Variants in CD99L2 observed in about 807,000 individuals in gnomAD.
CD99L2 encodes the protein CD99 molecule like 2, also known as CD99 antigen-like protein 2.
In CD99L2, 24 loss-of-function variants were observed where a neutral mutation model predicts 27.3. That is an observed-to-expected ratio of 0.88 (90% confidence interval 0.64 to 1.24). CD99L2 has a LOEUF of 1.24. Ranked by LOEUF, CD99L2 falls within the 50% of genes most tolerant of loss-of-function variation. The pLI is 0.00. For synonymous variants in CD99L2, 97 were observed against 87.9 expected (o/e 1.10, Z -0.58); for missense variants, 255 against 221.6 (o/e 1.15, Z -0.96).
intron 9 of CD99L2, 23 bp downstream of exon 9, chrX:150,776,151 C>G: frequency 5.0e-6 from 6 of 1,207,237 alleles, no homozygotes; most frequent in Non-Finnish European, 5.6e-6. Context: ...GGTTCCTAGC[C>G]ACGAGTGGGT....
intron 4 of CD99L2, among the ~76,000 whole-genome samples, chrX:150,808,202 A>C (rs1367823090): frequency 1.8e-5 from 2 of 112,664 alleles, no homozygotes; most frequent in African/African-American, 6.4e-5. Flanking sequence ...TGATATCGAA[A>C]ACATCACTGA....
chrX:150,800,303 T>C (rs953010586), intron 4 of CD99L2, among the ~76,000 whole-genome samples: 7 of 111,448 alleles, frequency 6.3e-5, no homozygotes, highest in Non-Finnish European at 1.1e-4. Flanking sequence ...GAAATGATCA[T>C]GGTAACAGCT....
chrX:150,790,036 T>TG (rs1270398606), intron 7 of CD99L2, among the ~76,000 whole-genome samples: 1 of 111,235 alleles, frequency 9.0e-6, no homozygotes, highest in African/African-American at 3.3e-5. Context: ...TACCAAGCTA[T>TG]GAAAAAACAT....
At chrX:150,826,842 C>G (rs1053147775) in intron 2 of CD99L2, among the ~76,000 whole-genome samples, 42 of 111,495 alleles carry the variant, frequency 3.8e-4, no homozygotes, top group African/African-American at 1.3e-3. Flanking sequence ...AGAACTCTTA[C>G]AGCTGATCTC....
chrX:150,797,220 G>A (rs905566947), intron 4 of CD99L2, among the ~76,000 whole-genome samples: 1 of 111,456 alleles, frequency 9.0e-6, no homozygotes. Context: ...AAAACCAAAA[G>A]TTTATTTATA....
intron 1 of CD99L2, among the ~76,000 whole-genome samples, chrX:150,874,487 TA>T (rs2124351892): frequency 1.0e-5 from 1 of 97,910 alleles, no homozygotes; most frequent in East Asian, 3.2e-4. Context: ...GCTGCAGGAG[TA>T]AGAGGGTTCT....
chrX:150,853,483 T>G (rs1326604503), intron 1 of CD99L2, among the ~76,000 whole-genome samples: 4 of 111,340 alleles, frequency 3.6e-5, no homozygotes, highest in Non-Finnish European at 7.5e-5. Context: ...CGGGCTCTTG[T>G]GAGGACTCAG....
chrX:150,895,154 C>T lies in CD99L2; in HGVS notation c.67+3368G>A, dbSNP rs190036931. 7.3e-3 allele frequency among the ~76,000 whole-genome samples: 807 copies of T among 111,276 alleles called. 3 individuals are homozygous for T. Among genetic ancestry groups the T allele is most frequent in the African/African-American group, 0.024 (728 of 30,581 alleles). On this transcript the variant is annotated intron_variant, in intron 1 of 10. Transcript: ENST00000370377. ...GATATGGGTCACAGTGCCAACAGGT[C>T]GGGGTAATGTGGCGAGGCAGAGGGC...
intron 1 of CD99L2, among the ~76,000 whole-genome samples, chrX:150,892,239 A>T (rs965918406): frequency 3.7e-5 from 4 of 109,352 alleles, no homozygotes; most frequent in African/African-American, 6.7e-5. Flanking sequence ...AAAAATAATA[A>T]AAATAAATAA....
At chrX:150,825,375 T>C (rs2046353355) in intron 2 of CD99L2, among the ~76,000 whole-genome samples, 1 of 112,355 alleles carries the variant, frequency 8.9e-6, no homozygotes, top group Admixed American at 9.4e-5. Flanking sequence ...CATTGACCTA[T>C]GCGATGCCAG....
At chrX:150,798,120 AG>A (rs1466616969) in intron 4 of CD99L2, among the ~76,000 whole-genome samples, 2 of 47,196 alleles carry the variant, frequency 4.2e-5, no homozygotes, top group Non-Finnish European at 7.4e-5. Context: ...GAAGGGAGGG[AG>A]GGAGGGAGGA....
chrX:150,789,611 C>T (rs782228360), intron 7 of CD99L2, among the ~76,000 whole-genome samples: 31 of 111,702 alleles, frequency 2.8e-4, no homozygotes, highest in Middle Eastern at 4.6e-3. Flanking sequence ...TATAGCTGGG[C>T]GCAACGGCTC....
intron 9 of CD99L2, among the ~76,000 whole-genome samples, chrX:150,773,106 A>G (rs1557419156): frequency 8.9e-6 from 1 of 111,879 alleles, no homozygotes; most frequent in Non-Finnish European, 1.9e-5. Flanking sequence ...AAATCAACCT[A>G]TTTTTCTCTC....
At chrX:150,834,309 T>C (rs782508887) in intron 1 of CD99L2, among the ~76,000 whole-genome samples, 1 of 111,481 alleles carries the variant, frequency 9.0e-6, no homozygotes, top group African/African-American at 3.3e-5. Flanking sequence ...CTGGCCAACA[T>C]GGTGAAACCC....
In CD99L2 at chrX:150,793,723, C is replaced by T. The variant is rs1257118045; in HGVS notation, c.464G>A (p.Gly155Glu). The change falls in exon 7 of 11, where the codon GGG becomes GAG. Residue 155 changes from glycine to glutamate, a missense_variant. Gly to Glu is a moderately conservative substitution (Grantham distance 98). Transcript: ENST00000370377. Reference protein sequence around the residue: ...FSDKDLEDIVGGGEYKPDKGK... With the variant: ...FSDKDLEDIVEGGEYKPDKGK... ...CTTGTCAGGTTTGTATTCTCCACCC[C>T]CTACTATGTCTTCAAGATCCTTGTC... is the stretch of plus-strand genomic sequence containing the variant. The T allele has an allele frequency of 5.0e-6, 6 of 1,199,590 alleles. No individual in the cohort carries two copies. The highest frequency in any genetic ancestry group is 6.7e-6 in the Non-Finnish European group (6 of 890,026).
chrX:150,898,064 C>G lies in CD99L2; in HGVS notation c.67+458G>C, dbSNP rs868962918. 2.1e-3 allele frequency among the ~76,000 whole-genome samples: 110 copies of G among 51,847 alleles called. 3 individuals carry two copies. The highest frequency in any genetic ancestry group is 5.8e-3 in the African/African-American group (105 of 17,958). 45.0% of individuals were successfully genotyped at this position (51,847 alleles called of 115,157 possible). On this transcript the variant is annotated intron_variant, in intron 1 of 10. Coordinates refer to ENST00000370377, the MANE Select transcript of CD99L2 (RefSeq NM_031462.4). ...ACCTACGCCTCGCTGACCCCCCCCC[C>G]CCCCCCCCACAGCCCATGCCCGCTG...
At chrX:150,864,191 G>A (rs782702348) in intron 1 of CD99L2, among the ~76,000 whole-genome samples, 2 of 111,971 alleles carry the variant, frequency 1.8e-5, no homozygotes, top group South Asian at 3.7e-4. Context: ...AGGAGCTTGA[G>A]AGAAGGTTCT....
chrX:150,770,263 A>G, intron 10 of CD99L2, 41 bp downstream of exon 10: 1 of 1,160,433 alleles, frequency 8.6e-7, no homozygotes, highest in Non-Finnish European at 1.2e-6. Flanking sequence ...GGGACCAACT[A>G]GGAAAGCGTC....
chrX:150,830,674 A>G (rs1254128902), intron 2 of CD99L2, among the ~76,000 whole-genome samples: 13 of 112,068 alleles, frequency 1.2e-4, no homozygotes, highest in Admixed American at 9.5e-5. Context: ...CACTGCTGAT[A>G]TGTCACACCA....
Sources: gnomAD v4.1 joint callset for allele counts (sites outside exome capture counted in the v4.1 genomes callset) on GRCh38, gnomAD v4.1.1 for gene constraint, MANE v1.5 for transcripts, NCBI Gene and HGNC (gene_info 2026-07-23, HGNC 2026-07-21) for gene names.